The following GSG1L variants were observed in gnomAD, a reference collection of about 807,000 sequenced individuals.
GSG1L encodes germ cell-specific gene 1-like protein.
GSG1L carries 24 observed loss-of-function variants against 42.1 expected under a neutral mutation model. The ratio of observed to expected loss-of-function variants is 0.57; its 90% CI spans 0.41 to 0.80. The LOEUF is 0.80. GSG1L is among the 30% of genes least tolerant of loss of function. GSG1L has a pLI of 0.00. For missense variants in GSG1L, 445 were observed against 472.2 expected (o/e 0.94, Z 0.53); for synonymous variants, 215 against 203.5 (o/e 1.06, Z -0.48).
At chr16:27,975,849 G>A (rs1435778950) in intron 1 of GSG1L, among the ~76,000 whole-genome samples, 1 of 152,170 alleles carries the variant, frequency 6.6e-6, no homozygotes, top group Non-Finnish European at 1.5e-5. Context: ...TTAGGTGCTG[G>A]AGACACAGCA....
chr16:28,028,516 G>A (rs2085924524), intron 1 of GSG1L, among the ~76,000 whole-genome samples: 1 of 151,800 alleles, frequency 6.6e-6, no homozygotes. Context: ...ATAACAATAA[G>A]AATAATATTA....
rs71140916 is a variant in GSG1L, at chr16:27,874,441, C to CTTTTTT, written c.550+10039_550+10044dup. Among the ~76,000 whole-genome samples, 908 of 94,298 alleles carry CTTTTTT rather than the reference C, an allele frequency of 9.6e-3. 154 individuals carry two copies. The highest frequency in any genetic ancestry group is 0.012 in the East Asian group (28 of 2,264). 61.9% of individuals were successfully genotyped at this position (94,298 alleles called of 152,430 possible). A position where few individuals can be genotyped will look rare whatever the true frequency, so the allele number is the denominator to read the frequency against. ...TCTGGACACTGAAGCACAGGAGAGC[C>CTTTTTT]TTTTTTTTTTTTTTTTTTTTTTTTT... is the stretch of plus-strand genomic sequence containing the variant. On this transcript the variant is annotated intron_variant, in intron 3 of 6. Transcript: ENST00000447459.
chr16:27,933,805 A>G (rs1475827363), intron 2 of GSG1L, among the ~76,000 whole-genome samples: 1 of 152,088 alleles, frequency 6.6e-6, no homozygotes, highest in Non-Finnish European at 1.5e-5. Flanking sequence ...GGGTCTTCCA[A>G]TGTCACCTTT....
chr16:27,871,636 G>A (rs2083821970), intron 3 of GSG1L, among the ~76,000 whole-genome samples: 1 of 152,102 alleles, frequency 6.6e-6, no homozygotes, highest in Non-Finnish European at 1.5e-5. Flanking sequence ...GGGAGATCCT[G>A]TCTCAAAAAG....
intron 1 of GSG1L, among the ~76,000 whole-genome samples, chr16:28,017,044 C>T (rs1465080407): frequency 6.6e-6 from 1 of 152,212 alleles, no homozygotes; most frequent in Non-Finnish European, 1.5e-5. Context: ...GGAAAAGTTC[C>T]CACTGTCTTG....
chr16:28,058,010 G>A (rs1383123108), intron 1 of GSG1L, among the ~76,000 whole-genome samples: 1 of 152,216 alleles, frequency 6.6e-6, no homozygotes, highest in Non-Finnish European at 1.5e-5. Context: ...TGATTTCTCT[G>A]AAGCCACTCA....
intron 3 of GSG1L, among the ~76,000 whole-genome samples, chr16:27,852,698 T>C (rs2083528805): frequency 6.6e-6 from 1 of 152,088 alleles, no homozygotes; most frequent in Admixed American, 6.5e-5. Context: ...TTTTAAGCCA[T>C]CCGAGGCAGT....
intron 1 of GSG1L, among the ~76,000 whole-genome samples, chr16:27,996,506 G>C (rs536052230): frequency 1.2e-5 from 1 of 80,526 alleles, no homozygotes; most frequent in East Asian, 6.7e-4. Flanking sequence ...AATGAACAAG[G>C]CTACTCTCTC....
At chr16:27,932,031 G>A (rs1279293434) in intron 2 of GSG1L, among the ~76,000 whole-genome samples, 4 of 152,114 alleles carry the variant, frequency 2.6e-5, no homozygotes, top group African/African-American at 9.7e-5. Context: ...GTCCATTCTC[G>A]TACTGCTATA....
At chr16:27,979,700 A>AGAGAGAGAGAGAG (rs2085298699) in intron 1 of GSG1L, among the ~76,000 whole-genome samples, 1 of 46,566 alleles carries the variant, frequency 2.1e-5, no homozygotes, top group Non-Finnish European at 4.8e-5. Context: ...GGAAGGAAGG[A>AGAGAGAGAGAGAG]AGGAAGGAAG....
intron 2 of GSG1L, among the ~76,000 whole-genome samples, chr16:27,909,107 T>A (rs891349574): frequency 9.9e-5 from 15 of 152,070 alleles, no homozygotes; most frequent in African/African-American, 3.6e-4. Context: ...ACATCACCCA[T>A]CTAGTAGATA....
intron 2 of GSG1L, among the ~76,000 whole-genome samples, chr16:27,959,720 G>A (rs978097015): frequency 4.0e-5 from 6 of 151,898 alleles, no homozygotes; most frequent in South Asian, 2.1e-4. Context: ...AGTTCAAGGC[G>A]GCAGTGAGCT....
At chr16:28,056,935 T>C (rs1284848844) in intron 1 of GSG1L, among the ~76,000 whole-genome samples, 2 of 152,040 alleles carry the variant, frequency 1.3e-5, no homozygotes, top group Non-Finnish European at 2.9e-5. Context: ...CAGGAAGGCC[T>C]CACAAACTGG....
intron 1 of GSG1L, among the ~76,000 whole-genome samples, chr16:27,977,794 CCAT>C (rs1418812353): frequency 9.9e-5 from 15 of 152,100 alleles, no homozygotes; most frequent in African/African-American, 2.9e-4. Flanking sequence ...GTCCCCACCA[CCAT>C]GAGATTATTT....
At chr16:28,060,092 C>T (rs141948405) in intron 1 of GSG1L, among the ~76,000 whole-genome samples, 16 of 149,944 alleles carry the variant, frequency 1.1e-4, no homozygotes, top group African/African-American at 3.0e-4. Flanking sequence ...TTTGGATGCA[C>T]GTGAAACACA....
chr16:27,901,617 G>C (rs1452658723), intron 2 of GSG1L, among the ~76,000 whole-genome samples: 1 of 152,228 alleles, frequency 6.6e-6, no homozygotes, highest in Non-Finnish European at 1.5e-5. Context: ...CTGCAAGTTT[G>C]GGAAGAGGCT....
intron 3 of GSG1L, among the ~76,000 whole-genome samples, chr16:27,869,424 C>G (rs2083773881): frequency 6.6e-6 from 1 of 150,840 alleles, no homozygotes; most frequent in Non-Finnish European, 1.5e-5. Flanking sequence ...TTTTCTCTCA[C>G]TTCCTTCTTC....
At chr16:27,841,604 A>G (rs546286862) in intron 4 of GSG1L, among the ~76,000 whole-genome samples, 1 of 152,198 alleles carries the variant, frequency 6.6e-6, no homozygotes, top group Non-Finnish European at 1.5e-5. Context: ...TAAACAAGAG[A>G]GATGACATGG....
intron 2 of GSG1L, among the ~76,000 whole-genome samples, chr16:27,940,596 C>T (rs1259867938): frequency 1.1e-5 from 1 of 90,934 alleles, no homozygotes; most frequent in Non-Finnish European, 2.8e-5. Flanking sequence ...AGTAAACTAT[C>T]GCAAGAACAA....
Sources: allele counts gnomAD v4.1 joint callset (sites outside exome capture counted in the v4.1 genomes callset), GRCh38; gene constraint gnomAD v4.1.1; transcripts MANE v1.5; gene names NCBI Gene and HGNC (gene_info 2026-07-23, HGNC 2026-07-21).